The following FRMD4B variants were observed in gnomAD, a reference collection of about 807,000 sequenced individuals.
FRMD4B encodes the protein FERM domain containing 4B, also known as FERM domain-containing protein 4B.
FRMD4B carries 74 observed loss-of-function variants against 141.5 expected under a neutral mutation model. The observed-to-expected ratio is 0.52, with a 90% CI of 0.43 to 0.63. FRMD4B has a LOEUF of 0.63. Ranked by LOEUF, FRMD4B falls within the 30% of genes least tolerant of loss-of-function variation. FRMD4B has a pLI of 0.00. For synonymous variants in FRMD4B, 506 were observed against 467.9 expected (o/e 1.08, Z -1.05); for missense variants, 1,366 against 1,253.4 (o/e 1.09, Z -1.36).
intron 16 of FRMD4B, among the ~76,000 whole-genome samples, chr3:69,194,491 A>T (rs1424529561): frequency 2.0e-5 from 3 of 152,252 alleles, no homozygotes; most frequent in African/African-American, 7.2e-5. Context: ...AAACATAGAT[A>T]TGGTTATATT....
intron 2 of FRMD4B, among the ~76,000 whole-genome samples, chr3:69,414,319 G>A (rs1704811995): frequency 6.6e-6 from 1 of 152,118 alleles, no homozygotes; most frequent in Non-Finnish European, 1.5e-5. Flanking sequence ...CAGATGAGTA[G>A]CACAGATCAG....
At position 69,291,147 on chromosome 3, in the gene FRMD4B, C is replaced by T. The variant is rs957348318; in HGVS notation, c.417-3311G>A. 4.6e-5 allele frequency among the ~76,000 whole-genome samples: 7 copies of T among 152,142 alleles called. No homozygotes were observed. The East Asian group carries it at 1.3e-3, about 29-fold the overall frequency. Reference sequence around the variant, plus strand: ...TAGTCTCAGAAGGGGAAGCCCTTTCCAGAGGAAGAGATCTCCCTGCCCTAA... The same window carrying T: ...TAGTCTCAGAAGGGGAAGCCCTTTCTAGAGGAAGAGATCTCCCTGCCCTAA... On this transcript the variant is annotated intron_variant, in intron 4 of 22. Coordinates refer to ENST00000398540, the MANE Select transcript of FRMD4B (RefSeq NM_015123.3).
At chr3:69,378,612 C>T (rs1043996761) in intron 1 of FRMD4B, among the ~76,000 whole-genome samples, 2 of 152,206 alleles carry the variant, frequency 1.3e-5, no homozygotes, top group Non-Finnish European at 2.9e-5. Context: ...GCTTCCCTTG[C>T]CTTACTGCTT....
At chr3:69,392,089 G>A (rs1272539784) in intron 2 of FRMD4B, among the ~76,000 whole-genome samples, 1 of 152,188 alleles carries the variant, frequency 6.6e-6, no homozygotes, top group Non-Finnish European at 1.5e-5. Flanking sequence ...ACAGAAAGTG[G>A]TTCATCCATT....
chr3:69,383,741 G>A (rs918265214), intron 1 of FRMD4B, among the ~76,000 whole-genome samples: 3 of 151,942 alleles, frequency 2.0e-5, no homozygotes, highest in South Asian at 2.1e-4. Flanking sequence ...TAAATTTTTT[G>A]TAGAGATGGG....
intron 3 of FRMD4B, among the ~76,000 whole-genome samples, chr3:69,306,093 T>C (rs374948494): frequency 1.3e-5 from 2 of 152,174 alleles, no homozygotes; most frequent in Non-Finnish European, 2.9e-5. Flanking sequence ...ACAAATTAGA[T>C]TTTAAAAAAT....
chr3:69,380,257 C>G (rs564153003), intron 1 of FRMD4B, among the ~76,000 whole-genome samples: 2 of 152,312 alleles, frequency 1.3e-5, no homozygotes, highest in Admixed American at 6.5e-5. Context: ...GTCCACCCCA[C>G]ACACGCTGCT....
chr3:69,494,581 C>T (rs1706354965), intron 1 of FRMD4B, among the ~76,000 whole-genome samples: 1 of 152,082 alleles, frequency 6.6e-6, no homozygotes, highest in African/African-American at 2.4e-5. Flanking sequence ...GTCAAAGTCA[C>T]AACAGAGAAT....
At chr3:69,472,602 G>A (rs1705910893) in intron 1 of FRMD4B, 1 of 194,288 alleles carries the variant, frequency 5.1e-6, no homozygotes, top group Non-Finnish European at 1.1e-5. Context: ...ATGTAGCAGT[G>A]TCTCATAGCC....
chr3:69,335,211 T>C (rs1702502741), intron 1 of FRMD4B, among the ~76,000 whole-genome samples: 1 of 152,150 alleles, frequency 6.6e-6, no homozygotes, highest in Non-Finnish European at 1.5e-5. Context: ...AACGGCTATT[T>C]GAGGAGGCAA....
chr3:69,474,520 G>C (rs1464295030), intron 1 of FRMD4B, among the ~76,000 whole-genome samples: 2 of 152,164 alleles, frequency 1.3e-5, no homozygotes, highest in African/African-American at 4.8e-5. Flanking sequence ...GAAAGCCAGG[G>C]AAACAGTGGA....
chr3:69,293,374 C>T (rs192101257), intron 4 of FRMD4B, among the ~76,000 whole-genome samples: 17 of 148,170 alleles, frequency 1.1e-4, no homozygotes, highest in African/African-American at 2.2e-4. Flanking sequence ...GTAGCTGCTC[C>T]GCTCTCAGTG....
chr3:69,207,552 G>A (rs1427444939), intron 11 of FRMD4B, among the ~76,000 whole-genome samples: 3 of 151,484 alleles, frequency 2.0e-5, no homozygotes, highest in Admixed American at 6.6e-5. Context: ...GCTCATGCCT[G>A]TAATCCCAGC....
In FRMD4B at chr3:69,169,211, A is replaced by T. The variant is rs1387245902; in HGVS notation, c.*2650T>A. 6.6e-6 allele frequency among the ~76,000 whole-genome samples: 1 copy of T among 152,196 alleles called. No individual in the cohort carries two copies. The highest frequency in any genetic ancestry group is 1.5e-5 in the Non-Finnish European group (1 of 68,034). ...TTGTAATAAAAAAGAGGAAACGTAC[A>T]TGTTGAATAATGTACTTTTGTCACT... On this transcript the variant is annotated 3_prime_UTR_variant, in exon 23 of 23. Coordinates refer to ENST00000398540, the MANE Select transcript of FRMD4B (RefSeq NM_015123.3).
At chr3:69,203,977 C>T (rs1280970264) in intron 11 of FRMD4B, among the ~76,000 whole-genome samples, 2 of 152,136 alleles carry the variant, frequency 1.3e-5, no homozygotes, top group Non-Finnish European at 2.9e-5. Context: ...GAGTTTCAGG[C>T]TTTATAAAAA....
At chr3:69,205,471 A>G in intron 11 of FRMD4B, among the ~76,000 whole-genome samples, 1 of 152,090 alleles carries the variant, frequency 6.6e-6, no homozygotes, top group East Asian at 1.9e-4. Context: ...GGCTTCCTAA[A>G]GTGCTGGGAT....
At chr3:69,304,483 CAAAAAAAAAA>C (rs1313360753) in intron 3 of FRMD4B, among the ~76,000 whole-genome samples, 1 of 67,596 alleles carries the variant, frequency 1.5e-5, no homozygotes, top group African/African-American at 5.3e-5. Context: ...GATTCTATCT[CAAAAAAAAAA>C]AAAAAAAAAA....
chr3:69,181,335 G>A lies in FRMD4B; in HGVS notation c.2415C>T (p.Tyr805=). 1.2e-6 allele frequency: 2 copies of A among 1,613,914 alleles called. No homozygotes were observed. The highest frequency in any genetic ancestry group is 1.7e-6 in the Non-Finnish European group (2 of 1,179,812). The change falls in exon 21 of 23, where the codon TAC becomes TAT. Residue 805 remains tyrosine (Y), a synonymous_variant. Coordinates refer to ENST00000398540, the MANE Select transcript of FRMD4B (RefSeq NM_015123.3). The part of the protein sequence containing the change: ...KSQEPPSSSY[Y]IAGYTPYAEC... ...CTGCATAGGGTGTGTACCCGGCAAT[G>A]TAGTAACTGGAAGACGGTGGCTCCT... is the stretch of plus-strand genomic sequence containing the variant.
chr3:69,501,637 C>T (rs1235887568), intron 1 of FRMD4B, among the ~76,000 whole-genome samples: 1 of 152,182 alleles, frequency 6.6e-6, no homozygotes, highest in Non-Finnish European at 1.5e-5. Flanking sequence ...GGGATGCCCT[C>T]TCTCACCACT....
Sources: allele counts gnomAD v4.1 joint callset (sites outside exome capture counted in the v4.1 genomes callset), GRCh38; gene constraint gnomAD v4.1.1; transcripts MANE v1.5; gene names NCBI Gene and HGNC (gene_info 2026-07-23, HGNC 2026-07-21).